The following ST18 variants were observed in gnomAD, a reference collection of about 807,000 sequenced individuals.
ST18 encodes ST18 C2H2C-type zinc finger transcription factor.
In ST18, 50 loss-of-function variants were observed where a neutral mutation model predicts 110.0. That is an observed-to-expected ratio of 0.45 (90% confidence interval 0.36 to 0.58). The LOEUF (loss-of-function observed/expected upper bound fraction) is 0.58. ST18 is among the 20% of genes least tolerant of loss of function. ST18 has a pLI of 0.00. For synonymous variants in ST18, 461 were observed against 452.4 expected, an observed-to-expected ratio of 1.02 and a Z score of -0.24; for missense variants, 1,306 against 1,280.1, an observed-to-expected ratio of 1.02 and a Z score of -0.31.
intron 2 of ST18, among the ~76,000 whole-genome samples, chr8:52,347,341 G>A (rs2140276884): frequency 6.6e-6 from 1 of 152,308 alleles, no homozygotes; most frequent in Non-Finnish European, 1.5e-5. Flanking sequence ...ATAAATTGAT[G>A]AGAAGTGGGA....
chr8:52,158,842 G>A, intron 15 of ST18, 56 bp downstream of exon 15: 1 of 1,592,740 alleles, frequency 6.3e-7, no homozygotes, highest in Middle Eastern at 1.9e-4. Flanking sequence ...ATGAAAGGCA[G>A]TTTATTCTCA....
chr8:52,243,813 T>C (rs2093632724), intron 2 of ST18, among the ~76,000 whole-genome samples: 1 of 152,128 alleles, frequency 6.6e-6, no homozygotes. Flanking sequence ...TGCCAAACCC[T>C]GACATATTTC....
chr8:52,333,435 A>T (rs1810554340), intron 2 of ST18, among the ~76,000 whole-genome samples: 2 of 152,206 alleles, frequency 1.3e-5, no homozygotes, highest in Admixed American at 1.3e-4. Flanking sequence ...CTTACCTAGC[A>T]AGCCAGTGGG....
At chr8:52,329,364 A>T (rs1360953198) in intron 2 of ST18, among the ~76,000 whole-genome samples, 4 of 151,870 alleles carry the variant, frequency 2.6e-5, no homozygotes, top group Non-Finnish European at 4.4e-5. Flanking sequence ...TGCAGGCTTC[A>T]TGGAGACAGC....
At chr8:52,227,973 T>G (rs2090044758) in intron 3 of ST18, among the ~76,000 whole-genome samples, 1 of 152,166 alleles carries the variant, frequency 6.6e-6, no homozygotes, top group South Asian at 2.1e-4. Flanking sequence ...TGAATTGAAA[T>G]AAGCAAAAAA....
chr8:52,293,450 C>T (rs1263041166), intron 2 of ST18, among the ~76,000 whole-genome samples: 3 of 152,140 alleles, frequency 2.0e-5, no homozygotes, highest in East Asian at 1.9e-4. Context: ...TTTTCCTATC[C>T]GCTTAGTGTT....
At chr8:52,207,992 A>C (rs893956383) in intron 8 of ST18, among the ~76,000 whole-genome samples, 11 of 152,206 alleles carry the variant, frequency 7.2e-5, no homozygotes, top group Admixed American at 5.2e-4. Flanking sequence ...TCTCGACACC[A>C]CCTGTAACTT....
intron 2 of ST18, among the ~76,000 whole-genome samples, chr8:52,330,807 G>A (rs1044509612): frequency 1.3e-5 from 2 of 152,190 alleles, no homozygotes; most frequent in African/African-American, 4.8e-5. Flanking sequence ...GCTAGAAACG[G>A]GCTCCTTGCT....
At chr8:52,184,346 A>G (rs1386018332) in intron 8 of ST18, among the ~76,000 whole-genome samples, 1 of 152,172 alleles carries the variant, frequency 6.6e-6, no homozygotes, top group African/African-American at 2.4e-5. Context: ...TGCAGCAAAT[A>G]TCTTTCAACT....
Position 52,163,991 on chromosome 8 carries a change from G to A in ST18, c.1395C>T (p.Ala465=), listed in dbSNP as rs1164581367. Residue 465 remains alanine, a synonymous_variant, in exon 13 of 26, where the codon GCC becomes GCT. Coordinates refer to ENST00000689386, the MANE Select transcript of ST18 (RefSeq NM_001352837.2). The part of the protein sequence containing the change: ...SPQTGQCPDQ[A]HRTSLVKQIE... ...ACATCGTTAGGGGTTCATACCTGTGGGCCTGGTCAGGACACTGCCCAGTTT... is the reference window on the plus strand; with the variant it reads ...ACATCGTTAGGGGTTCATACCTGTGAGCCTGGTCAGGACACTGCCCAGTTT... The A allele has an allele frequency of 6.2e-7, 1 of 1,612,956 alleles. No individual in the cohort carries two copies. Among genetic ancestry groups the A allele is most frequent in the Non-Finnish European group, 8.5e-7 (1 of 1,179,080 alleles).
intron 2 of ST18, among the ~76,000 whole-genome samples, chr8:52,273,587 G>C (rs1412494782): frequency 6.6e-6 from 1 of 152,122 alleles, no homozygotes; most frequent in African/African-American, 2.4e-5. Flanking sequence ...AGTATACAAG[G>C]ATCTGTCAAC....
Position 52,121,614 on chromosome 8 carries a change from A to C in ST18, c.2756-3173T>G, listed in dbSNP as rs570213995. Among the ~76,000 whole-genome samples the C allele has an allele frequency of 3.3e-5, 5 of 152,342 alleles. No homozygotes were observed. In the South Asian group the frequency reaches 6.2e-4, roughly 19 times the overall value. On this transcript the variant is annotated intron_variant, in intron 23 of 25. Coordinates refer to ENST00000689386, the MANE Select transcript of ST18 (RefSeq NM_001352837.2). Reference sequence around the variant, plus strand: ...TTTATTACCTCAAAGTATGGATGGGAAGCCAAGTTACAAAGTAAGTGGTAC... The same window carrying C: ...TTTATTACCTCAAAGTATGGATGGGCAGCCAAGTTACAAAGTAAGTGGTAC...
chr8:52,337,501 T>C (rs1173070221), intron 2 of ST18, among the ~76,000 whole-genome samples: 1 of 152,226 alleles, frequency 6.6e-6, no homozygotes, highest in Non-Finnish European at 1.5e-5. Context: ...ATTCCACTAT[T>C]GGCTCGAAGG....
At chr8:52,283,266 G>A (rs2095416412) in intron 2 of ST18, among the ~76,000 whole-genome samples, 1 of 152,242 alleles carries the variant, frequency 6.6e-6, no homozygotes, top group Non-Finnish European at 1.5e-5. Flanking sequence ...AACCCGCCAT[G>A]ATGGAGGTGA....
intron 12 of ST18, among the ~76,000 whole-genome samples, 189 bp from the exon 13 acceptor site, chr8:52,164,279 C>T (rs949189102): frequency 2.6e-5 from 4 of 152,188 alleles, no homozygotes; most frequent in African/African-American, 9.7e-5. Flanking sequence ...TGCTCCCATC[C>T]CCATCTCAGA....
chr8:52,272,147 A>G (rs1172792185), intron 2 of ST18, among the ~76,000 whole-genome samples: 1 of 152,234 alleles, frequency 6.6e-6, no homozygotes, highest in Non-Finnish European at 1.5e-5. Context: ...TATTCTTGGC[A>G]GTGATTTCAT....
At chr8:52,208,440 A>C (rs866073452) in intron 8 of ST18, among the ~76,000 whole-genome samples, 7 of 152,256 alleles carry the variant, frequency 4.6e-5, no homozygotes, top group Non-Finnish European at 7.3e-5. Flanking sequence ...AGATGCTAAA[A>C]ATATAAGCTT....
In ST18 at chr8:52,276,306, C is replaced by T. The variant is rs1039058147; in HGVS notation, c.-464-46229G>A. ...ACACATACCACACAACCACATACCACACCTCACACAAACACACCGCACCTC... is the reference window on the plus strand; with the variant it reads ...ACACATACCACACAACCACATACCATACCTCACACAAACACACCGCACCTC... On this transcript the variant is annotated intron_variant, in intron 2 of 25. Coordinates refer to ENST00000689386, the MANE Select transcript of ST18 (RefSeq NM_001352837.2). Among the ~76,000 whole-genome samples the T allele has an allele frequency of 3.1e-4, 47 of 149,410 alleles. 1 individual carries two copies. Among genetic ancestry groups the T allele is most frequent in the Admixed American group, 3.1e-3 (47 of 15,016 alleles).
At chr8:52,248,779 G>A (rs1289277615) in intron 2 of ST18, among the ~76,000 whole-genome samples, 1 of 152,102 alleles carries the variant, frequency 6.6e-6, no homozygotes, top group Non-Finnish European at 1.5e-5. Context: ...TCTATTTCCA[G>A]ATTCAAGAGA....
Sources: allele counts gnomAD v4.1 joint callset (sites outside exome capture counted in the v4.1 genomes callset), GRCh38; gene constraint gnomAD v4.1.1; transcripts MANE v1.5; gene names NCBI Gene and HGNC (gene_info 2026-07-23, HGNC 2026-07-21).